Variants in ITK observed in about 807,000 individuals in gnomAD.
ITK encodes IL2 inducible T cell kinase.
In ITK, 45 loss-of-function variants were observed where a neutral mutation model predicts 87.6. That is an observed-to-expected ratio of 0.51 (90% CI 0.40 to 0.66). The LOEUF (loss-of-function observed/expected upper bound fraction) is 0.66, where lower values mean the gene tolerates loss of function less well. ITK is among the 30% of genes least tolerant of loss of function. The probability of loss-of-function intolerance (pLI) is 0.00; values close to 1 mark genes in which losing one functional copy is unlikely to be tolerated. For synonymous variants in ITK, 303 were observed against 273.6 expected, an observed-to-expected ratio of 1.11 and a Z score of -1.06; for missense variants, 605 against 766.3, an observed-to-expected ratio of 0.79 and a Z score of 2.48.
intron 5 of ITK, among the ~76,000 whole-genome samples, chr5:157,221,647 G>A (rs1450800690): frequency 6.6e-6 from 1 of 152,060 alleles, no homozygotes; most frequent in Non-Finnish European, 1.5e-5. Context: ...ATAATTTGAG[G>A]GCCCTGCTCT....
At chr5:157,245,223 T>TA (rs139283977) in intron 13 of ITK, 402 of 161,728 alleles carry the variant, frequency 2.5e-3, no homozygotes, top group South Asian at 4.8e-3. Context: ...AGACTCCATC[T>TA]AAAAAAAAAA....
chr5:157,199,888 G>T (rs1014501056), intron 1 of ITK: 1 of 152,028 alleles, frequency 6.6e-6, no homozygotes, highest in Non-Finnish European at 1.5e-5. Context: ...ATAAAAAGCC[G>T]CCCTGCCCCC....
intron 7 of ITK, among the ~76,000 whole-genome samples, chr5:157,230,301 A>G (rs1287588207): frequency 6.6e-6 from 1 of 152,246 alleles, no homozygotes; most frequent in African/African-American, 2.4e-5. Flanking sequence ...GTTCTTTTAC[A>G]CTATTTTACA....
Position 157,244,249 on chromosome 5 carries a change from C to T in ITK, c.1233-13C>T. On this transcript the variant is annotated splice_polypyrimidine_tract_variant and intron_variant, in intron 12 of 16. Coordinates refer to ENST00000422843, the MANE Select transcript of ITK (RefSeq NM_005546.4). ...GAGTTTAGGCCATCTCACCCCTTGT[C>T]TTTTTCCTCCAGGAAACTCTCTCAT... is the stretch of plus-strand genomic sequence containing the variant. The T allele has an allele frequency of 1.9e-6, 3 of 1,612,586 alleles. No homozygotes were observed. In the South Asian group the frequency reaches 3.3e-5, roughly 18 times the overall value.
At chr5:157,225,585 G>C (rs1314382849) in intron 6 of ITK, among the ~76,000 whole-genome samples, 2 of 152,130 alleles carry the variant, frequency 1.3e-5, no homozygotes, top group Non-Finnish European at 2.9e-5. Context: ...CCCATTACAG[G>C]GGGAGGAAAG....
rs763469740 is a variant in ITK, at chr5:157,243,828, T to C, written c.1232+34T>C. On this transcript the variant is annotated intron_variant, in intron 12 of 16. Transcript: ENST00000422843. ...TCAGAACAAGGATATGCAGAAACTC[T>C]GGGGGGAACATCGGTTCAGTGTTCT... 2.5e-6 allele frequency: 4 copies of C among 1,596,762 alleles called. No homozygotes were observed. The African/African-American group carries it at 5.4e-5, about 21-fold the overall frequency.
In ITK at chr5:157,244,304, C is replaced by T. The variant is rs377397261; in HGVS notation, c.1275C>T (p.Cys425=). Residue 425 remains cysteine (C), a synonymous_variant, in exon 13 of 17, where the codon TGC becomes TGT. Coordinates refer to ENST00000422843, the MANE Select transcript of ITK (RefSeq NM_005546.4). ...AACTGGTGCAGCTGTATGGGGTGTG[C>T]CTGGAGCAGGCCCCCATCTGCCTGG... The part of the protein sequence containing the change: ...HPKLVQLYGV[C]LEQAPICLVF... 1.9e-6 allele frequency: 3 copies of T among 1,614,176 alleles called. No individual in the cohort carries two copies. Among genetic ancestry groups the T allele is most frequent in the Non-Finnish European group, 2.5e-6 (3 of 1,180,030 alleles).
In ITK at chr5:157,241,641, C is replaced by T. The variant is rs749954693; in HGVS notation, c.986-5C>T. ...CACTGCTTCTTGGCTTTTCAATCAACCCAGGCCTGGTGACTCGACTCCGGT... is the reference window on the plus strand; with the variant it reads ...CACTGCTTCTTGGCTTTTCAATCAATCCAGGCCTGGTGACTCGACTCCGGT... On this transcript the variant is annotated splice_region_variant and splice_polypyrimidine_tract_variant and intron_variant, in intron 10 of 16. Transcript: ENST00000422843. 1.2e-6 allele frequency: 2 copies of T among 1,612,784 alleles called. No individual in the cohort carries two copies. Among genetic ancestry groups the T allele is most frequent in the Non-Finnish European group, 1.7e-6 (2 of 1,178,930 alleles).
intron 1 of ITK, among the ~76,000 whole-genome samples, chr5:157,200,773 G>T (rs1038893002): frequency 1.3e-5 from 2 of 152,152 alleles, no homozygotes; most frequent in African/African-American, 4.8e-5. Context: ...TTAAGGCACA[G>T]GCACAAAGGA....
Position 157,232,376 on chromosome 5 carries a change from A to G in ITK, c.750A>G (p.Glu250=). The change falls in exon 8 of 17, where the codon GAA becomes GAG. Residue 250 remains glutamate (E), a synonymous_variant. Coordinates refer to ENST00000422843, the MANE Select transcript of ITK (RefSeq NM_005546.4). ...YNKSISRDKA[E]KLLLDTGKEG... ...AGAGTATCAGCCGAGACAAAGCTGA[A>G]AAACTTCTTTTGGACACAGTAAGTC... 6.2e-7 allele frequency: 1 copy of G among 1,611,204 alleles called. No individual in the cohort carries two copies. Among genetic ancestry groups the G allele is most frequent in the Non-Finnish European group, 8.5e-7 (1 of 1,177,666 alleles).
chr5:157,199,761 T>A (rs1338937555), intron 1 of ITK: 1 of 152,212 alleles, frequency 6.6e-6, no homozygotes, highest in Non-Finnish European at 1.5e-5. Flanking sequence ...TGAAACAGGA[T>A]GGAATGTTGA....
chr5:157,211,159 T>G, intron 2 of ITK, 128 bp from the exon 3 acceptor site: 1 of 777,374 alleles, frequency 1.3e-6, no homozygotes, highest in Non-Finnish European at 2.3e-6. Flanking sequence ...ACTGGCCCCC[T>G]AATTACCCAA....
chr5:157,185,432 G>C (rs1041516663), intron 1 of ITK, among the ~76,000 whole-genome samples: 1 of 151,908 alleles, frequency 6.6e-6, no homozygotes, highest in Middle Eastern at 3.4e-3. Flanking sequence ...TAGTAGAGAC[G>C]GGGTTTCACC....
chr5:157,248,714 C>T, intron 15 of ITK, 136 bp from the exon 16 acceptor site: 2 of 970,938 alleles, frequency 2.1e-6, no homozygotes, highest in Non-Finnish European at 1.6e-6. Flanking sequence ...TAATAAGCCT[C>T]AGGTAGACTT....
At chr5:157,197,400 G>C (rs1281204272) in intron 1 of ITK, among the ~76,000 whole-genome samples, 1 of 152,106 alleles carries the variant, frequency 6.6e-6, no homozygotes. Flanking sequence ...TGATGTTTTT[G>C]AAACTTCTAA....
intron 15 of ITK, among the ~76,000 whole-genome samples, chr5:157,247,253 A>G (rs1054681348): frequency 5.3e-5 from 8 of 152,192 alleles, no homozygotes; most frequent in African/African-American, 1.9e-4. Flanking sequence ...AGTCCTACCT[A>G]TTTCTTAAAA....
At chr5:157,228,755 G>T (rs1202614327) in intron 7 of ITK, among the ~76,000 whole-genome samples, 1 of 152,010 alleles carries the variant, frequency 6.6e-6, no homozygotes, top group African/African-American at 2.4e-5. Context: ...AGCCTCCCAA[G>T]TAGCTGGAAC....
Position 157,211,290 on chromosome 5 carries a change from GTGC to G in ITK, c.248_250del (p.Val83_His84delinsAsp). ...AACTCTGTGTGTGTGTCTCCAGGTGGTGCATGACAACTACCTCCTATATGTGTT... is the reference window on the plus strand; with the variant it reads ...AACTCTGTGTGTGTGTCTCCAGGTGGATGACAACTACCTCCTATATGTGTT... On this transcript the variant is annotated inframe_deletion, in exon 3 of 17. Coordinates refer to ENST00000422843, the MANE Select transcript of ITK (RefSeq NM_005546.4). 1 of 1,613,722 alleles carries G rather than the reference GTGC, an allele frequency of 6.2e-7. No homozygotes were observed.
intron 1 of ITK, among the ~76,000 whole-genome samples, chr5:157,182,247 C>T (rs969781240): frequency 6.6e-6 from 1 of 152,034 alleles, no homozygotes; most frequent in African/African-American, 2.4e-5. Context: ...AACAAAAGTG[C>T]TCCAGTTCTT....
Sources: allele counts gnomAD v4.1 joint callset (sites outside exome capture counted in the v4.1 genomes callset), GRCh38; gene constraint gnomAD v4.1.1; transcripts MANE v1.5; gene names NCBI Gene and HGNC (gene_info 2026-07-23, HGNC 2026-07-21).